CNTN3: variants seen among roughly 807,000 people sequenced by gnomAD.
The protein encoded by CNTN3 is contactin 3, also known as contactin-3.
CNTN3 carries 60 observed loss-of-function variants against 119.1 expected under a neutral mutation model. The ratio of observed to expected loss-of-function variants is 0.50; its 90% CI spans 0.41 to 0.62. The LOEUF (loss-of-function observed/expected upper bound fraction) is 0.62, where lower values mean the gene tolerates loss of function less well. CNTN3 is among the 20% of genes least tolerant of loss of function. The pLI, the probability that CNTN3 is intolerant of heterozygous loss-of-function variation, is 0.00. For missense variants in CNTN3, 1,101 were observed against 1,242.4 expected, an observed-to-expected ratio of 0.89 and a Z score of 1.71; for synonymous variants, 450 against 438.7, an observed-to-expected ratio of 1.03 and a Z score of -0.32.
chr3:74,293,573 C>G (rs1702277257), intron 19 of CNTN3, among the ~76,000 whole-genome samples: 2 of 152,114 alleles, frequency 1.3e-5, no homozygotes, highest in African/African-American at 4.8e-5. Flanking sequence ...CTCCTGGGCT[C>G]AAGCAATTCT....
In CNTN3 at chr3:74,469,678, T is replaced by C. The variant is rs1220282441; in HGVS notation, c.358+16778A>G. 5.9e-5 allele frequency among the ~76,000 whole-genome samples: 9 copies of C among 152,142 alleles called. No homozygotes were observed. The East Asian group carries it at 1.5e-3, about 26-fold the overall frequency. Reference sequence around the variant, plus strand: ...CCCTTCGTACCCACTAGGATGGTTATAATAAAAAGACAAACAATAACAAAT... The same window carrying C: ...CCCTTCGTACCCACTAGGATGGTTACAATAAAAAGACAAACAATAACAAAT... On this transcript the variant is annotated intron_variant, in intron 4 of 22. Coordinates refer to ENST00000263665, the MANE Select transcript of CNTN3 (RefSeq NM_020872.3).
intron 5 of CNTN3, among the ~76,000 whole-genome samples, chr3:74,407,485 C>T (rs1489358296): frequency 6.8e-6 from 1 of 148,072 alleles, no homozygotes; most frequent in African/African-American, 2.5e-5. Flanking sequence ...GTTGGTCAGG[C>T]TGGTCTCAAA....
At chr3:74,586,928 T>G (rs1017911602) in intron 1 of CNTN3, among the ~76,000 whole-genome samples, 14 of 152,096 alleles carry the variant, frequency 9.2e-5, no homozygotes, top group African/African-American at 3.1e-4. Context: ...TTTGCCTGCC[T>G]AGCATCTATC....
intron 2 of CNTN3, among the ~76,000 whole-genome samples, chr3:74,504,461 G>T (rs1703217758): frequency 6.6e-6 from 1 of 152,128 alleles, no homozygotes; most frequent in African/African-American, 2.4e-5. Flanking sequence ...TTAAAAGATG[G>T]AAACTTTTTT....
intron 11 of CNTN3, among the ~76,000 whole-genome samples, chr3:74,356,830 T>C (rs912423927): frequency 6.6e-6 from 1 of 152,164 alleles, no homozygotes; most frequent in Non-Finnish European, 1.5e-5. Context: ...GGTGCCTCAC[T>C]GACTGAGATC....
intron 3 of CNTN3, among the ~76,000 whole-genome samples, chr3:74,492,140 C>A (rs1428904579): frequency 1.3e-5 from 2 of 152,162 alleles, no homozygotes; most frequent in African/African-American, 2.4e-5. Flanking sequence ...CTTCAGTGTT[C>A]AAACACTCAT....
At chr3:74,264,588 C>T in intron 22 of CNTN3, 87 bp from the exon 23 acceptor site, 1 of 775,882 alleles carries the variant, frequency 1.3e-6, no homozygotes, top group Non-Finnish European at 2.0e-6. Context: ...TGGTGTTCCC[C>T]CCAAATTCTT....
intron 2 of CNTN3, among the ~76,000 whole-genome samples, chr3:74,512,588 G>GA (rs1047297169): frequency 1.3e-4 from 18 of 135,052 alleles, no homozygotes; most frequent in Admixed American, 9.2e-4. Context: ...CCATGAGGCA[G>GA]AAAAAAAACA....
At chr3:74,433,978 A>G (rs746259986) in intron 4 of CNTN3, among the ~76,000 whole-genome samples, 5 of 152,068 alleles carry the variant, frequency 3.3e-5, no homozygotes, top group Non-Finnish European at 4.4e-5. Context: ...TGTGTAGGTC[A>G]TCAAAGAATG....
In CNTN3 at chr3:74,399,121, T is replaced by G. The variant is rs186293378; in HGVS notation, c.454+25724A>C. Among the ~76,000 whole-genome samples, 706 of 151,770 alleles carry G rather than the reference T, an allele frequency of 4.7e-3. 10 individuals are homozygous for G. The highest frequency in any genetic ancestry group is 0.016 in the African/African-American group (658 of 41,404). ...ATTTATTCTCCTATCTAACTGTAAG[T>G]TTTTTTTTAATCTTTTATTATTTTT... is the stretch of plus-strand genomic sequence containing the variant. On this transcript the variant is annotated intron_variant, in intron 5 of 22. Coordinates refer to ENST00000263665, the MANE Select transcript of CNTN3 (RefSeq NM_020872.3).
At chr3:74,470,329 C>T (rs1040678470) in intron 4 of CNTN3, among the ~76,000 whole-genome samples, 8 of 151,844 alleles carry the variant, frequency 5.3e-5, no homozygotes, top group Admixed American at 6.5e-5. Flanking sequence ...GGGAATTACA[C>T]GGTATGTAAA....
rs1212667399 is a variant in CNTN3 at position 74,384,016 on chromosome 3, AATTGG to A, written c.455-12622_455-12618del. Among the ~76,000 whole-genome samples the A allele has an allele frequency of 3.5e-4, 54 of 152,342 alleles. 1 individual carries two copies. The highest frequency in any genetic ancestry group is 1.3e-3 in the African/African-American group (53 of 41,586). The stretch of plus-strand genomic sequence containing the variant: ...TTTCAAAGCTCATGCCATAGTCCTC[AATTGG>A]TAGAAAGGGCATTGGCCTTTCAAGC... On this transcript the variant is annotated intron_variant, in intron 5 of 22. Transcript: ENST00000263665.
chr3:74,278,898 A>T (rs938458829), intron 20 of CNTN3, among the ~76,000 whole-genome samples: 3 of 152,118 alleles, frequency 2.0e-5, no homozygotes, highest in Admixed American at 6.6e-5. Context: ...AACGAACTCA[A>T]ATCAGCGGGA....
At chr3:74,539,482 A>G (rs1703811116) in intron 1 of CNTN3, among the ~76,000 whole-genome samples, 1 of 152,096 alleles carries the variant, frequency 6.6e-6, no homozygotes, top group Non-Finnish European at 1.5e-5. Flanking sequence ...CCAAGCTTCT[A>G]GAGTCTACTC....
intron 20 of CNTN3, chr3:74,267,608 G>A: frequency 2.2e-6 from 1 of 445,154 alleles, no homozygotes; most frequent in South Asian, 3.5e-5. Flanking sequence ...ATTTATTCAT[G>A]TAACAAACCT....
chr3:74,610,206 C>T (rs746680064), intron 1 of CNTN3, among the ~76,000 whole-genome samples: 6 of 151,988 alleles, frequency 3.9e-5, no homozygotes, highest in African/African-American at 1.5e-4. Context: ...TGTCTATAGT[C>T]CCAGCTACTC....
chr3:74,338,733 G>T (rs544284414), intron 11 of CNTN3, among the ~76,000 whole-genome samples: 2 of 152,188 alleles, frequency 1.3e-5, no homozygotes, highest in African/African-American at 4.8e-5. Context: ...TTATGCATAT[G>T]ATTTTTTTAA....
chr3:74,502,489 C>G (rs1210591602), intron 2 of CNTN3, among the ~76,000 whole-genome samples: 2 of 152,154 alleles, frequency 1.3e-5, no homozygotes, highest in Non-Finnish European at 2.9e-5. Flanking sequence ...ATAATAACTA[C>G]TAATTTGCTA....
chr3:74,342,221 GTA>G (rs1169256429), intron 11 of CNTN3, among the ~76,000 whole-genome samples: 7 of 152,138 alleles, frequency 4.6e-5, no homozygotes, highest in Admixed American at 4.6e-4. Context: ...ATTTACAACT[GTA>G]TATGTTCTCA....
Sources: allele counts gnomAD v4.1 joint callset (sites outside exome capture counted in the v4.1 genomes callset), GRCh38; gene constraint gnomAD v4.1.1; transcripts MANE v1.5; gene names NCBI Gene and HGNC (gene_info 2026-07-23, HGNC 2026-07-21).